Variants in GARIN2 observed in about 807,000 individuals in gnomAD.
GARIN2 encodes golgi associated RAB2 interactor family member 2.
the GARIN2 span, among the ~76,000 whole-genome samples, chr14:67,207,481 A>C: frequency 2.8e-4 from 43 of 152,106 alleles, no homozygotes; most frequent in Admixed American, 5.2e-4. Context: ...ACCTCCCACT[A>C]GGCCCACTTC....
chr14:67,206,874 G>A, the GARIN2 span, among the ~76,000 whole-genome samples: 17 of 151,924 alleles, frequency 1.1e-4, no homozygotes, highest in Admixed American at 8.5e-4. Context: ...GGGATTACAG[G>A]TGCCCACCAC....
At chr14:67,225,952 TGTGTGTGTGTGCGCGCGC>T in the GARIN2 span, among the ~76,000 whole-genome samples, 4 of 139,134 alleles carry the variant, frequency 2.9e-5, no homozygotes, top group African/African-American at 1.2e-4. Flanking sequence ...TGTGTGTGTG[TGTGTGTGTGTGCGCGCGC>T]GCGCGTGCGC....
chr14:67,206,409 T>C, the GARIN2 span, among the ~76,000 whole-genome samples: 2 of 152,192 alleles, frequency 1.3e-5, no homozygotes, highest in South Asian at 2.1e-4. Context: ...GGCAGGAGAA[T>C]TGTTTGAAAC....
chr14:67,204,980 A>G, the GARIN2 span: 3 of 1,579,642 alleles, frequency 1.9e-6, no homozygotes, highest in Non-Finnish European at 2.6e-6. Flanking sequence ...GAAGTCATAG[A>G]AGTCAGAGAA....
the GARIN2 span, among the ~76,000 whole-genome samples, chr14:67,193,597 A>G: frequency 6.9e-6 from 1 of 145,670 alleles, no homozygotes; most frequent in African/African-American, 2.5e-5. Context: ...ATAGATATAT[A>G]TCTATAGATA....
the GARIN2 span, among the ~76,000 whole-genome samples, chr14:67,200,807 T>G: frequency 6.6e-5 from 10 of 152,232 alleles, no homozygotes; most frequent in Admixed American, 6.5e-4. Context: ...TCCAAGTTAG[T>G]TACCTTTTGC....
At chr14:67,213,140 A>AT in the GARIN2 span, among the ~76,000 whole-genome samples, 10 of 148,772 alleles carry the variant, frequency 6.7e-5, no homozygotes, top group East Asian at 2.0e-4. Context: ...TGCATGTAGA[A>AT]TTTTTTTTTA....
At chr14:67,204,548 T>A in the GARIN2 span, 37 of 1,612,876 alleles carry the variant, frequency 2.3e-5, no homozygotes, top group Non-Finnish European at 5.1e-6. Flanking sequence ...TTTCTCCCTC[T>A]GCAGTTTGTG....
At chr14:67,204,361 C>T in the GARIN2 span, 1 of 478,226 alleles carries the variant, frequency 2.1e-6, no homozygotes, top group African/African-American at 2.1e-5. Context: ...ACCACTTAGG[C>T]ACAGGAAGTC....
chr14:67,199,271 A>T, the GARIN2 span: 47 of 1,599,882 alleles, frequency 2.9e-5, no homozygotes, highest in Non-Finnish European at 4.0e-5. Flanking sequence ...TGACTATGCC[A>T]TTAAGATCAT....
At chr14:67,193,353 G>T in the GARIN2 span, among the ~76,000 whole-genome samples, 5 of 126,608 alleles carry the variant, frequency 3.9e-5, no homozygotes, top group African/African-American at 1.4e-4. Flanking sequence ...TATCTATATA[G>T]AGATATATAA....
chr14:67,211,024 A>G, the GARIN2 span, among the ~76,000 whole-genome samples: 2 of 152,002 alleles, frequency 1.3e-5, 1 homozygote, highest in East Asian at 3.9e-4. Flanking sequence ...AACAGAGAAT[A>G]AGCTTTGCAG....
At chr14:67,221,673 C>A in the GARIN2 span, 1 of 1,525,636 alleles carries the variant, frequency 6.6e-7, no homozygotes, top group Non-Finnish European at 8.9e-7. Context: ...CATTACTACC[C>A]ACAGAGCATT....
At chr14:67,223,518 A>G in the GARIN2 span, among the ~76,000 whole-genome samples, 2 of 152,212 alleles carry the variant, frequency 1.3e-5, no homozygotes, top group Non-Finnish European at 2.9e-5. Flanking sequence ...ATCTTCGACA[A>G]TCTAGCAGGC....
chr14:67,194,746 C>T, the GARIN2 span, among the ~76,000 whole-genome samples: 1 of 152,158 alleles, frequency 6.6e-6, no homozygotes, highest in Non-Finnish European at 1.5e-5. Flanking sequence ...GGTGATCCAC[C>T]TCCCATGTTC....
the GARIN2 span, among the ~76,000 whole-genome samples, chr14:67,204,142 A>G: frequency 3.3e-5 from 5 of 152,138 alleles, no homozygotes; most frequent in African/African-American, 7.2e-5. Context: ...ACTACTATAA[A>G]ATATAAGAAA....
At chr14:67,210,537 A>G in the GARIN2 span, among the ~76,000 whole-genome samples, 5 of 152,244 alleles carry the variant, frequency 3.3e-5, no homozygotes, top group African/African-American at 9.6e-5. Context: ...TTTTATTTCT[A>G]TAGTCTGGGA....
the GARIN2 span, among the ~76,000 whole-genome samples, chr14:67,213,675 T>C: frequency 6.6e-6 from 1 of 152,160 alleles, no homozygotes; most frequent in Non-Finnish European, 1.5e-5. Flanking sequence ...TTTGGGTATA[T>C]ACCCAGTAAT....
At chr14:67,204,100 G>A in the GARIN2 span, among the ~76,000 whole-genome samples, 12 of 152,274 alleles carry the variant, frequency 7.9e-5, no homozygotes, top group East Asian at 2.1e-3. Context: ...TATCTGGGAG[G>A]CAAGTCTGGT....
Sources: allele counts gnomAD v4.1 joint callset (sites outside exome capture counted in the v4.1 genomes callset), GRCh38; gene constraint gnomAD v4.1.1; transcripts MANE v1.5; gene names NCBI Gene and HGNC (gene_info 2026-07-23, HGNC 2026-07-21).